Variants in CMSS1 observed in about 807,000 individuals in gnomAD.
The protein encoded by CMSS1 is cms1 ribosomal small subunit homolog.
Under a neutral mutation model 43.5 loss-of-function variants are expected in CMSS1, and 33 were observed. That is an observed-to-expected ratio of 0.76 (90% CI 0.57 to 1.01). The LOEUF (loss-of-function observed/expected upper bound fraction) is 1.01, where lower values mean the gene tolerates loss of function less well. CMSS1 is among the 50% of genes least tolerant of loss of function. The pLI is 0.00. For missense variants in CMSS1, 313 were observed against 326.4 expected (o/e 0.96, Z 0.32); for synonymous variants, 115 against 117.2 (o/e 0.98, Z 0.12).
chr3:100,173,131 A>AG (rs1278147616), intron 8 of CMSS1, among the ~76,000 whole-genome samples: 1 of 152,192 alleles, frequency 6.6e-6, no homozygotes, highest in African/African-American at 2.4e-5. Context: ...AACTCATTAT[A>AG]GAGATGGTCA....
intron 1 of CMSS1, among the ~76,000 whole-genome samples, chr3:99,945,585 G>A (rs1707985091): frequency 6.6e-6 from 1 of 152,156 alleles, no homozygotes; most frequent in South Asian, 2.1e-4. Flanking sequence ...ATGTTGCTTT[G>A]GATGTTTTAG....
intron 1 of CMSS1, among the ~76,000 whole-genome samples, chr3:99,881,161 A>G (rs1357328715): frequency 6.6e-6 from 1 of 152,196 alleles, no homozygotes; most frequent in Non-Finnish European, 1.5e-5. Flanking sequence ...TAAGTTGGCT[A>G]TGGACTCTAG....
At chr3:100,137,059 T>C (rs1442398733) in intron 1 of CMSS1, among the ~76,000 whole-genome samples, 1 of 152,250 alleles carries the variant, frequency 6.6e-6, no homozygotes, top group Non-Finnish European at 1.5e-5. Context: ...TCCTGTTCTT[T>C]GGATATGGGA....
intron 1 of CMSS1, chr3:99,850,777 G>A (rs1276864694): frequency 1.9e-6 from 3 of 1,614,158 alleles, no homozygotes; most frequent in Non-Finnish European, 2.5e-6. Flanking sequence ...GTGAAACTTT[G>A]TGGTCTGCGT....
intron 1 of CMSS1, among the ~76,000 whole-genome samples, chr3:100,079,214 C>T (rs543825668): frequency 6.6e-6 from 1 of 152,292 alleles, no homozygotes; most frequent in South Asian, 2.1e-4. Flanking sequence ...GTCGCCAGGC[C>T]ATTTTGAGGC....
At chr3:100,151,100 C>G (rs1048215539) in intron 2 of CMSS1, among the ~76,000 whole-genome samples, 1 of 152,142 alleles carries the variant, frequency 6.6e-6, no homozygotes, top group Non-Finnish European at 1.5e-5. Context: ...CTTTATTTGA[C>G]CATTGGTCAT....
intron 1 of CMSS1, among the ~76,000 whole-genome samples, chr3:100,130,329 T>C (rs976911883): frequency 1.3e-5 from 2 of 152,216 alleles, no homozygotes; most frequent in African/African-American, 4.8e-5. Flanking sequence ...GTGCACTACG[T>C]AGGCCATGAG....
At chr3:99,941,038 G>A (rs1420995595) in intron 1 of CMSS1, among the ~76,000 whole-genome samples, 1 of 152,182 alleles carries the variant, frequency 6.6e-6, no homozygotes, top group Admixed American at 6.5e-5. Flanking sequence ...CCTATAACTG[G>A]CAGAAAGTTT....
intron 1 of CMSS1, among the ~76,000 whole-genome samples, chr3:99,905,722 G>T (rs1706593749): frequency 6.6e-6 from 1 of 152,100 alleles, no homozygotes; most frequent in Admixed American, 6.5e-5. Flanking sequence ...TTACTGAGAG[G>T]TTGCCACCAT....
chr3:100,043,918 A>G (rs113977953), intron 1 of CMSS1, among the ~76,000 whole-genome samples: 78 of 152,342 alleles, frequency 5.1e-4, no homozygotes, highest in African/African-American at 1.9e-3. Context: ...TAGATTCTAC[A>G]TAGAAATGAG....
chr3:100,117,848 TATATAC>T lies in CMSS1; in HGVS notation c.65-29119_65-29114del, dbSNP rs1196314144. ...CAGTATATATATATATATATATATATATATACATATATATATATATATATATATATA... is the reference window on the plus strand; with the variant it reads ...CAGTATATATATATATATATATATATATATATATATATATATATATATATA... On this transcript the variant is annotated intron_variant, in intron 1 of 9. Coordinates refer to ENST00000421999, the MANE Select transcript of CMSS1 (RefSeq NM_032359.4). Among the ~76,000 whole-genome samples, 606 of 91,424 alleles carry T rather than the reference TATATAC, an allele frequency of 6.6e-3. 21 individuals are homozygous for T. The highest frequency in any genetic ancestry group is 0.024 in the African/African-American group (510 of 20,880). The allele number at this position is 91,424 out of a possible 152,430, so 60.0% of individuals were successfully genotyped here. A position where few individuals can be genotyped will look rare whatever the true frequency, so the allele number is the denominator to read the frequency against.
chr3:99,881,207 A>C (rs887556725), intron 1 of CMSS1, among the ~76,000 whole-genome samples: 16 of 152,218 alleles, frequency 1.1e-4, no homozygotes, highest in African/African-American at 3.9e-4. Context: ...TGACTTAGAA[A>C]GAATGAAGAA....
intron 1 of CMSS1, among the ~76,000 whole-genome samples, chr3:100,042,602 T>C (rs181203340): frequency 1.3e-5 from 2 of 152,324 alleles, no homozygotes; most frequent in Admixed American, 1.3e-4. Context: ...TTAACCAGAG[T>C]ACATAATTAG....
At chr3:99,838,467 G>C (rs919679650) in intron 1 of CMSS1, among the ~76,000 whole-genome samples, 3 of 152,218 alleles carry the variant, frequency 2.0e-5, no homozygotes, top group African/African-American at 7.2e-5. Flanking sequence ...TGTCCATGTA[G>C]AGAAGTGGGG....
At chr3:100,172,516 T>G in intron 8 of CMSS1, 113 bp downstream of exon 8, 1 of 755,352 alleles carries the variant, frequency 1.3e-6, no homozygotes, top group Admixed American at 2.7e-5. Context: ...CTGTGTTAAT[T>G]CAGGAATTGG....
intron 1 of CMSS1, among the ~76,000 whole-genome samples, chr3:99,989,001 T>C (rs1419656038): frequency 6.6e-6 from 1 of 152,216 alleles, no homozygotes; most frequent in Non-Finnish European, 1.5e-5. Flanking sequence ...AGGTACATTT[T>C]TTATGGACTT....
chr3:100,095,293 T>C (rs2107444525), intron 1 of CMSS1, among the ~76,000 whole-genome samples: 1 of 152,326 alleles, frequency 6.6e-6, no homozygotes, highest in South Asian at 2.1e-4. Flanking sequence ...TAGTTAGAAT[T>C]CCATTAACAC....
chr3:99,957,667 C>G (rs368583035), intron 1 of CMSS1, among the ~76,000 whole-genome samples: 1 of 72,098 alleles, frequency 1.4e-5, no homozygotes, highest in East Asian at 4.0e-4. Context: ...TTACTTGGCA[C>G]TTCTCCTTTT....
At chr3:99,838,161 C>G (rs1052719802) in intron 1 of CMSS1, among the ~76,000 whole-genome samples, 2 of 152,178 alleles carry the variant, frequency 1.3e-5, no homozygotes, top group African/African-American at 4.8e-5. Flanking sequence ...CTGACTGCAC[C>G]TTTTGTGTTC....
Sources: allele counts gnomAD v4.1 joint callset (sites outside exome capture counted in the v4.1 genomes callset), GRCh38; gene constraint gnomAD v4.1.1; transcripts MANE v1.5; gene names NCBI Gene and HGNC (gene_info 2026-07-23, HGNC 2026-07-21).